ZBTB10: variants seen among roughly 807,000 people sequenced by gnomAD.
ZBTB10 encodes zinc finger and BTB domain containing 10, also known as zinc finger and BTB domain-containing protein 10.
A neutral mutation model predicts 76.4 loss-of-function variants in ZBTB10; 32 were observed. The observed-to-expected ratio is 0.42, with a 90% CI of 0.32 to 0.56. ZBTB10 has a LOEUF of 0.56. Ranked by LOEUF, ZBTB10 falls within the 20% of genes least tolerant of loss-of-function variation. The pLI is 0.14. For missense variants in ZBTB10, 1,057 were observed against 1,098.5 expected, an observed-to-expected ratio of 0.96 and a Z score of 0.53; for synonymous variants, 523 against 432.9, an observed-to-expected ratio of 1.21 and a Z score of -2.58.
chr8:80,511,916 A>C (rs1816204831), intron 2 of ZBTB10, among the ~76,000 whole-genome samples: 1 of 152,104 alleles, frequency 6.6e-6, no homozygotes, highest in Non-Finnish European at 1.5e-5. Flanking sequence ...GGCAAACGAT[A>C]TTTTTAAAAG....
Position 80,487,512 on chromosome 8 carries a change from C to A in ZBTB10, c.702C>A (p.Phe234Leu). 3 of 1,562,002 alleles carry A rather than the reference C, an allele frequency of 1.9e-6. No homozygotes were observed. The highest frequency in any genetic ancestry group is 2.4e-5 in the East Asian group (1 of 41,760). The change falls in exon 1 of 6, where the codon TTC becomes TTA. Residue 234 changes from phenylalanine (F) to leucine (L), a missense_variant. By Grantham distance (22) the Phe-to-Leu change is conservative (BLOSUM62 0). Transcript: ENST00000455036. Reference protein sequence around the residue: ...GAGEGETVQHFPLARPKSLMQ... With the variant: ...GAGEGETVQHLPLARPKSLMQ... ...GCGAAGGAGAGACTGTCCAGCACTTCCCGCTCGCGCGGCCCAAGTCTCTAA... is the reference window on the plus strand; with the variant it reads ...GCGAAGGAGAGACTGTCCAGCACTTACCGCTCGCGCGGCCCAAGTCTCTAA...
At chr8:80,503,966 C>A (rs1376090463) in intron 2 of ZBTB10, among the ~76,000 whole-genome samples, 1 of 152,164 alleles carries the variant, frequency 6.6e-6, no homozygotes. Flanking sequence ...TTTACTCTTT[C>A]CAGGCAAGTT....
rs1426352764 is a variant in ZBTB10 at position 80,486,776 on chromosome 8, C to T, written c.-35C>T. ...ACGCGGCCCGAGGCCGTGCGCGAGC[C>T]GGGGCACCGGGCGGCGGCGGCGGCG... On this transcript the variant is annotated 5_prime_UTR_variant, in exon 1 of 6. Coordinates refer to ENST00000455036, the MANE Select transcript of ZBTB10 (RefSeq NM_001105539.3). 5.1e-6 allele frequency: 7 copies of T among 1,360,238 alleles called. No individual in the cohort carries two copies. Among genetic ancestry groups the T allele is most frequent in the East Asian group, 6.5e-5 (2 of 30,904 alleles). The allele number at this position is 1,360,238 out of a possible 1,614,324, so 84.3% of individuals were successfully genotyped here.
intron 1 of ZBTB10, among the ~76,000 whole-genome samples, chr8:80,488,991 G>T (rs1420494118): frequency 6.8e-6 from 1 of 146,102 alleles, no homozygotes; most frequent in East Asian, 2.0e-4. Flanking sequence ...CGCCCCAGTG[G>T]ACAATGTAGT....
At chr8:80,493,650 C>G (rs3863245) in intron 1 of ZBTB10, among the ~76,000 whole-genome samples, 1 of 145,944 alleles carries the variant, frequency 6.9e-6, no homozygotes, top group South Asian at 2.2e-4. Flanking sequence ...AACCCCGTCT[C>G]TAATTTAAAA....
intron 2 of ZBTB10, among the ~76,000 whole-genome samples, chr8:80,505,257 C>G (rs375226791): frequency 6.6e-6 from 1 of 152,132 alleles, no homozygotes; most frequent in East Asian, 1.9e-4. Context: ...ACCAGTTCTA[C>G]CAGGATGACA....
chr8:80,499,799 T>G lies in ZBTB10; in HGVS notation c.1278T>G (p.Ser426=), dbSNP rs1217423388. ...CAGTCATCTTGGACTTCTTGTATTC[T>G]GGTAACCTGGTGCTCACAAGCCAAA... ...GFSVILDFLY[S]GNLVLTSQNA... Residue 426 remains serine (S), a synonymous_variant, in exon 2 of 6, where the codon TCT becomes TCG. Transcript: ENST00000455036. 6.2e-7 allele frequency: 1 copy of G among 1,614,022 alleles called. No individual in the cohort carries two copies. The highest frequency in any genetic ancestry group is 8.5e-7 in the Non-Finnish European group (1 of 1,179,876).
In ZBTB10 at chr8:80,523,350, C is replaced by T. The variant is rs904351436; in HGVS notation, c.*3822C>T. 6.6e-6 allele frequency: 1 copy of T among 151,902 alleles called. No homozygotes were observed. Among genetic ancestry groups the T allele is most frequent in the Non-Finnish European group, 1.5e-5 (1 of 67,874 alleles). 9.4% of individuals were successfully genotyped at this position (151,902 alleles called of 1,614,324 possible). ...GTTTAGAATTTTGAGTGTCTTTCCT[C>T]CCCCCAATAAATTTCCTTACTACTC... On this transcript the variant is annotated 3_prime_UTR_variant, in exon 6 of 6. Transcript: ENST00000455036.
rs528591042 is a variant in ZBTB10 at position 80,524,335 on chromosome 8, T to C, written c.*4807T>C. The C allele has an allele frequency of 5.3e-5, 8 of 152,220 alleles. 1 individual carries two copies. In the South Asian group the frequency reaches 1.4e-3, roughly 28 times the overall value. 9.4% of individuals were successfully genotyped at this position (152,220 alleles called of 1,614,324 possible). On this transcript the variant is annotated 3_prime_UTR_variant, in exon 6 of 6. Coordinates refer to ENST00000455036, the MANE Select transcript of ZBTB10 (RefSeq NM_001105539.3). ...CAGTGATTTGTAATCAGTGTATCTT[T>C]TAAGATTCTCTACAGGTTTTAGAAA...
upstream of ZBTB10, chr8:80,486,150 CAG>C (rs2131463684): frequency 1.1e-5 from 8 of 753,056 alleles, no homozygotes; most frequent in Non-Finnish European, 1.5e-5. Context: ...CCCCCTCCCC[CAG>C]CCCGGCCCCC....
At chr8:80,493,207 G>GCGCGCGCGCACA (rs375071529) in intron 1 of ZBTB10, among the ~76,000 whole-genome samples, 245 of 125,268 alleles carry the variant, frequency 2.0e-3, no homozygotes, top group Admixed American at 4.4e-3. Context: ...GCGCGCGCGC[G>GCGCGCGCGCACA]CACACACACA....
chr8:80,487,135 G>A lies in ZBTB10; in HGVS notation c.325G>A (p.Gly109Ser). ...DAGGPTSLGG[G>S]AGGPLLAERN... ...GGGCGGCCCCACCTCGCTTGGCGGT[G>A]GCGCGGGGGGCCCCCTGCTAGCGGA... The change falls in exon 1 of 6, where the codon GGC becomes AGC. Residue 109 changes from glycine (G) to serine (S), a missense_variant. By Grantham distance (56) the Gly-to-Ser change is moderately conservative (BLOSUM62 0). This residue lies in a region of ZBTB10 where 556 missense variants were observed against 451.7 expected (regional missense o/e 1.23). Coordinates refer to ENST00000455036, the MANE Select transcript of ZBTB10 (RefSeq NM_001105539.3). 1 of 1,514,056 alleles carries A rather than the reference G, an allele frequency of 6.6e-7. No homozygotes were observed. The highest frequency in any genetic ancestry group is 1.4e-5 in the African/African-American group (1 of 70,328). 93.8% of individuals were successfully genotyped at this position (1,514,056 alleles called of 1,614,324 possible). A position where few individuals can be genotyped will look rare whatever the true frequency, so the allele number is the denominator to read the frequency against.
At chr8:80,494,803 T>C (rs550475421) in intron 1 of ZBTB10, among the ~76,000 whole-genome samples, 93 of 151,578 alleles carry the variant, frequency 6.1e-4, no homozygotes, top group African/African-American at 2.2e-3. Flanking sequence ...ACACATCTTA[T>C]AGTCCCAGCT....
chr8:80,518,509 A>G lies in ZBTB10; in HGVS notation c.2067A>G (p.Pro689=). The G allele has an allele frequency of 6.4e-7, 1 of 1,553,386 alleles. No homozygotes were observed. Among genetic ancestry groups the G allele is most frequent in the South Asian group, 1.2e-5 (1 of 84,170 alleles). Residue 689 remains proline, a synonymous_variant, in exon 4 of 6, where the codon CCA becomes CCG. Transcript: ENST00000455036. ...ATGATTTCAAGTATGGATTGATACC[A>G]GGTGCTTCAAATGATTTCAAGTATG... ...TSNDFKYGLI[P]GASNDFKYGL...
chr8:80,486,781 C>T lies in ZBTB10; in HGVS notation c.-30C>T. The T allele has an allele frequency of 1.5e-6, 2 of 1,376,408 alleles. No homozygotes were observed. The allele number at this position is 1,376,408 out of a possible 1,614,324, so 85.3% of individuals were successfully genotyped here. ...GCCCGAGGCCGTGCGCGAGCCGGGGCACCGGGCGGCGGCGGCGGCGGCGCG... is the reference window on the plus strand; with the variant it reads ...GCCCGAGGCCGTGCGCGAGCCGGGGTACCGGGCGGCGGCGGCGGCGGCGCG... On this transcript the variant is annotated 5_prime_UTR_variant, in exon 1 of 6. Transcript: ENST00000455036.
At chr8:80,508,713 T>TG (rs1310449097) in intron 2 of ZBTB10, among the ~76,000 whole-genome samples, 2 of 152,120 alleles carry the variant, frequency 1.3e-5, no homozygotes, top group African/African-American at 4.8e-5. Flanking sequence ...ACTTGCAAGA[T>TG]GGGAAGAAAT....
chr8:80,500,366 C>A lies in ZBTB10; in HGVS notation c.1845C>A (p.Leu615=). 1 of 1,564,616 alleles carries A rather than the reference C, an allele frequency of 6.4e-7. No homozygotes were observed. The highest frequency in any genetic ancestry group is 2.3e-5 in the East Asian group (1 of 43,526). The change falls in exon 2 of 6, where the codon CTC becomes CTA. Residue 615 remains leucine (L), a synonymous_variant. Coordinates refer to ENST00000455036, the MANE Select transcript of ZBTB10 (RefSeq NM_001105539.3). ...CCTATCCAGAAGAAAATACACTACT[C>A]ATCAAGGAAGAACCAGGTAAATATT... The part of the protein sequence containing the change: ...PVAYPEENTL[L]IKEEPDLDGA...
At chr8:80,491,702 T>C (rs188285752) in intron 1 of ZBTB10, among the ~76,000 whole-genome samples, 1 of 152,242 alleles carries the variant, frequency 6.6e-6, no homozygotes, top group Admixed American at 6.5e-5. Context: ...TCAGGTTTAA[T>C]GATTAGCTCA....
rs751126632 is a variant in ZBTB10 at position 80,524,788 on chromosome 8, G to A, written c.*5260G>A. 3 of 151,978 alleles carry A rather than the reference G, an allele frequency of 2.0e-5. No homozygotes were observed. Among genetic ancestry groups the A allele is most frequent in the Non-Finnish European group, 4.4e-5 (3 of 67,948 alleles). The allele number at this position is 151,978 out of a possible 1,614,324, so 9.4% of individuals were successfully genotyped here. A position where few individuals can be genotyped will look rare whatever the true frequency, so the allele number is the denominator to read the frequency against. The stretch of plus-strand genomic sequence containing the variant: ...GACCATTGGCTCAAGATTGAAAATC[G>A]GTTTTTAATTATCCAAAGATGAAAT... On this transcript the variant is annotated 3_prime_UTR_variant, in exon 6 of 6. Transcript: ENST00000455036.
Sources: allele counts gnomAD v4.1 joint callset (sites outside exome capture counted in the v4.1 genomes callset), GRCh38; gene constraint gnomAD v4.1.1; regional missense constraint gnomAD v4.1.1; transcripts MANE v1.5; gene names NCBI Gene and HGNC (gene_info 2026-07-23, HGNC 2026-07-21).